The following CARD9 variants were observed in gnomAD, a reference collection of about 807,000 sequenced individuals.
CARD9 encodes caspase recruitment domain-containing protein 9.
A neutral mutation model predicts 66.0 loss-of-function variants in CARD9; 53 were observed. The observed-to-expected ratio is 0.80, with a 90% CI of 0.64 to 1.01. The LOEUF (loss-of-function observed/expected upper bound fraction) is 1.01, where lower values mean the gene tolerates loss of function less well. Ranked by LOEUF, CARD9 falls within the 50% of genes least tolerant of loss-of-function variation. CARD9 has a pLI of 0.00. For missense variants in CARD9, 769 were observed against 743.2 expected, an observed-to-expected ratio of 1.03 and a Z score of -0.40; for synonymous variants, 387 against 313.8, an observed-to-expected ratio of 1.23 and a Z score of -2.47.
At chr9:136,372,939 G>GC (rs775373360) in intron 1 of CARD9, among the ~76,000 whole-genome samples, 39 of 152,338 alleles carry the variant, frequency 2.6e-4, no homozygotes, top group Non-Finnish European at 4.4e-4. Context: ...ATGAGGCCCG[G>GC]CCCCCATCCC....
In CARD9 at chr9:136,364,311, C is replaced by G. The variant is rs1183310191; in HGVS notation, c.1602G>C (p.Glu534Asp). 3 of 1,558,788 alleles carry G rather than the reference C, an allele frequency of 1.9e-6. No homozygotes were observed. The highest frequency in any genetic ancestry group is 2.6e-6 in the Non-Finnish European group (3 of 1,151,824). ...NTTGSDNTDTEGS is the reference protein window; with the variant it reads ...NTTGSDNTDTDGS The stretch of plus-strand genomic sequence containing the variant: ...GCCTGCGCTGCTGCGGCTAGGAGCC[C>G]TCAGTGTCGGTGTTGTCGCTGCCCG... Residue 534 changes from glutamate to aspartate, a missense_variant, in exon 13 of 13, where the codon GAG becomes GAC. Physicochemically the swap from Glu to Asp is conservative, Grantham distance 45. Transcript: ENST00000371732.
Position 136,367,618 on chromosome 9 carries a change from C to A in CARD9, c.1269+19G>T. On this transcript the variant is annotated intron_variant, in intron 8 of 12. Coordinates refer to ENST00000371732, the MANE Select transcript of CARD9 (RefSeq NM_052813.5). Reference sequence around the variant, plus strand: ...TCCCACGCGCCGGCTCCCCTCCCTGCCGCAGGCCCCAGGCCCACCAGGACG... The same window carrying A: ...TCCCACGCGCCGGCTCCCCTCCCTGACGCAGGCCCCAGGCCCACCAGGACG... 6.4e-7 allele frequency: 1 copy of A among 1,559,820 alleles called. No homozygotes were observed. Among genetic ancestry groups the A allele is most frequent in the South Asian group, 1.2e-5 (1 of 86,162 alleles).
intron 3 of CARD9, 76 bp downstream of exon 3, chr9:136,371,248 C>T: frequency 1.9e-6 from 3 of 1,577,474 alleles, no homozygotes; most frequent in Non-Finnish European, 2.6e-6. Flanking sequence ...GGATGGGGGC[C>T]AGGCAGAGGA....
Position 136,364,172 on chromosome 9 carries a change from C to CA in CARD9, c.*129dup. ...GGCAGTCCGGCTGGGCCTTTCAGGG[C>CA]ACCAGATTCCTCGTTCCAGGCCAAG... On this transcript the variant is annotated 3_prime_UTR_variant, in exon 13 of 13. Transcript: ENST00000371732. 5 of 1,550,530 alleles carry CA rather than the reference C, an allele frequency of 3.2e-6. No homozygotes were observed. Among genetic ancestry groups the CA allele is most frequent in the Non-Finnish European group, 4.4e-6 (5 of 1,146,842 alleles).
chr9:136,364,525 TTC>T lies in CARD9; in HGVS notation c.1467_1468del (p.Lys490GlyfsTer10). 6.5e-7 allele frequency: 1 copy of T among 1,539,214 alleles called. No individual in the cohort carries two copies. On this transcript the variant is annotated frameshift_variant, in exon 12 of 13. Coordinates refer to ENST00000371732, the MANE Select transcript of CARD9 (RefSeq NM_052813.5). LOFTEE classifies it high-confidence loss of function. Reference sequence around the variant, plus strand: ...ACTCTCTTTGAGGCGCCGCCGCTCCTTCTCGGGCGGCTCCCCGCTGCTCAGGC... The same window carrying T: ...ACTCTCTTTGAGGCGCCGCCGCTCCTTCGGGCGGCTCCCCGCTGCTCAGGC...
chr9:136,364,661 G>T, intron 11 of CARD9, 102 bp from the exon 12 acceptor site: 1 of 1,202,526 alleles, frequency 8.3e-7, no homozygotes, highest in Non-Finnish European at 1.1e-6. Context: ...CTGGTTGGGA[G>T]GCGAGGAGCC....
At position 136,370,931 on chromosome 9, in the gene CARD9, C is replaced by T; in HGVS notation, c.537G>A (p.Lys179=). 1.2e-6 allele frequency: 2 copies of T among 1,612,430 alleles called. No individual in the cohort carries two copies. The highest frequency in any genetic ancestry group is 1.7e-6 in the Non-Finnish European group (2 of 1,179,866). Residue 179 remains lysine, a synonymous_variant, in exon 4 of 13, where the codon AAG becomes AAA. Transcript: ENST00000371732. ...EAGSRELKRC[K]EENYDLAMRL... ...GCATGGCCAGGTCGTAGTTCTCCTCCTTGCAGCGCTTGAGCTCGCGGCTGC... is the reference window on the plus strand; with the variant it reads ...GCATGGCCAGGTCGTAGTTCTCCTCTTTGCAGCGCTTGAGCTCGCGGCTGC...
intron 9 of CARD9, 117 bp downstream of exon 9, chr9:136,367,099 G>T: frequency 7.8e-7 from 1 of 1,275,416 alleles, no homozygotes; most frequent in Non-Finnish European, 1.1e-6. Context: ...CCTCCACCCA[G>T]CCCAGCCCAC....
At chr9:136,367,179 G>A in intron 9 of CARD9, 37 bp downstream of exon 9, 1 of 1,604,912 alleles carries the variant, frequency 6.2e-7, no homozygotes, top group Non-Finnish European at 8.5e-7. Context: ...CCCAGGTGAA[G>A]GAAGGCCAGC....
At position 136,367,810 on chromosome 9, in the gene CARD9, C is replaced by A; in HGVS notation, c.1096G>T (p.Glu366Ter). 1.2e-6 allele frequency: 2 copies of A among 1,601,280 alleles called. No homozygotes were observed. Among genetic ancestry groups the A allele is most frequent in the Non-Finnish European group, 1.7e-6 (2 of 1,178,670 alleles). Residue 366 changes from glutamate (E) to a stop codon, truncating the protein, a stop_gained, in exon 8 of 13, where the codon GAG becomes TAG. Coordinates refer to ENST00000371732, the MANE Select transcript of CARD9 (RefSeq NM_052813.5). LOFTEE classifies it high-confidence loss of function. Reference sequence around the variant, plus strand: ...CCCCGGGCGTGCTGTGCGTGCAGCTCCTCCCGCGTGGCTATGGCCTGACGG... The same window carrying A: ...CCCCGGGCGTGCTGTGCGTGCAGCTACTCCCGCGTGGCTATGGCCTGACGG... ...ERDQAIATRE[E>*]LHAQHARGLQ...
intron 7 of CARD9, among the ~76,000 whole-genome samples, chr9:136,368,448 C>A (rs73670237): frequency 0.01 from 1,552 of 152,362 alleles, 18 homozygotes; most frequent in African/African-American, 0.034. Flanking sequence ...GGGCCAGGCG[C>A]GAGTGAGGCT....
rs1417740259 is a variant in CARD9 at position 136,364,000 on chromosome 9, C to G, written c.*302G>C. ...TTATTTACGCAGCTGTGTTTTCTAA[C>G]ACTAATACAATGCATGCATGTATTG... On this transcript the variant is annotated 3_prime_UTR_variant, in exon 13 of 13. Transcript: ENST00000371732. 4.7e-6 allele frequency: 6 copies of G among 1,282,056 alleles called. No individual in the cohort carries two copies. Among genetic ancestry groups the G allele is most frequent in the Non-Finnish European group, 6.6e-6 (6 of 902,938 alleles). The allele number at this position is 1,282,056 out of a possible 1,614,324, so 79.4% of individuals were successfully genotyped here.
chr9:136,371,301 GC>G, intron 3 of CARD9, 22 bp downstream of exon 3: 1 of 1,590,620 alleles, frequency 6.3e-7, no homozygotes, highest in East Asian at 2.3e-5. Context: ...TCCCCTGTCG[GC>G]CCCGCCTCCC....
At chr9:136,368,666 C>T (rs538543781) in intron 7 of CARD9, among the ~76,000 whole-genome samples, 3 of 152,296 alleles carry the variant, frequency 2.0e-5, no homozygotes, top group Admixed American at 6.5e-5. Flanking sequence ...AGCCCTGCCC[C>T]GCGACGCTCC....
At chr9:136,365,535 T>C in intron 10 of CARD9, 1 of 465,268 alleles carries the variant, frequency 2.1e-6, no homozygotes, top group Non-Finnish European at 3.9e-6. Context: ...ACCCTGGGCC[T>C]GAGCAGCACC....
intron 6 of CARD9, 116 bp downstream of exon 6, chr9:136,370,178 G>GGAGGC (rs1354127584): frequency 1.3e-6 from 2 of 1,496,904 alleles, no homozygotes; most frequent in Non-Finnish European, 1.8e-6. Flanking sequence ...GTGGGTGAGT[G>GGAGGC]GAGGCGCTGC....
At chr9:136,365,063 G>A in intron 11 of CARD9, 78 bp downstream of exon 11, 1 of 1,421,836 alleles carries the variant, frequency 7.0e-7, no homozygotes, top group Non-Finnish European at 9.8e-7. Flanking sequence ...GGGGTGCCCA[G>A]GGCAGGGAGC....
At chr9:136,370,091 CCAT>C in intron 6 of CARD9, 200 bp downstream of exon 6, 1 of 1,387,162 alleles carries the variant, frequency 7.2e-7, no homozygotes, top group Non-Finnish European at 9.6e-7. Context: ...GCCTCAGGCA[CCAT>C]GAGCCCAGAG....
rs755256889 is a variant in CARD9, at chr9:136,370,865, C to A, written c.603G>T (p.Met201Ile). The A allele has an allele frequency of 1.9e-6, 3 of 1,600,610 alleles. No individual in the cohort carries two copies. In the African/African-American group the frequency reaches 4.0e-5, roughly 21 times the overall value. Residue 201 changes from methionine to isoleucine, a missense_variant, in exon 4 of 13, where the codon ATG becomes ATT. Met to Ile is a conservative substitution (Grantham distance 10). Transcript: ENST00000371732. ...HQSEEKGAALMRNRDLQLEID... is the reference protein window; with the variant it reads ...HQSEEKGAALIRNRDLQLEID... The stretch of plus-strand genomic sequence containing the variant: ...CCTCCAGCTGCAGGTCACGGTTCCG[C>A]ATGAGCGCGGCGCCCTTCTCCTCAC...
Sources: gnomAD v4.1 joint callset for allele counts (sites outside exome capture counted in the v4.1 genomes callset) on GRCh38, gnomAD v4.1.1 for gene constraint, MANE v1.5 for transcripts, NCBI Gene and HGNC (gene_info 2026-07-23, HGNC 2026-07-21) for gene names.